KCNIP3: variants seen among roughly 807,000 people sequenced by gnomAD.
KCNIP3 encodes the protein potassium voltage-gated channel interacting protein 3.
In KCNIP3, 28 loss-of-function variants were observed where a neutral mutation model predicts 35.0. The observed-to-expected ratio is 0.80, with a 90% confidence interval of 0.59 to 1.10. The LOEUF (loss-of-function observed/expected upper bound fraction) is 1.10, where lower values mean the gene tolerates loss of function less well. Ranked by LOEUF, KCNIP3 falls within the 50% of genes least tolerant of loss-of-function variation. The pLI, the probability that KCNIP3 is intolerant of heterozygous loss-of-function variation, is 0.00. For synonymous variants in KCNIP3, 134 were observed against 133.8 expected (o/e 1.00, Z -0.01); for missense variants, 295 against 338.4 (o/e 0.87, Z 1.01).
At position 95,374,411 on chromosome 2, in the gene KCNIP3, C is replaced by G. The variant is rs1401706432; in HGVS notation, c.297C>G (p.Gly99=). The G allele has an allele frequency of 3.1e-6, 5 of 1,614,082 alleles. No individual in the cohort carries two copies. The highest frequency in any genetic ancestry group is 4.2e-6 in the Non-Finnish European group (5 of 1,179,952). Residue 99 remains glycine, a synonymous_variant, in exon 3 of 9, where the codon GGC becomes GGG. Coordinates refer to ENST00000295225, the MANE Select transcript of KCNIP3 (RefSeq NM_013434.5). ...AGGAGCTGCAGTCTCTCTACAGGGG[C>G]TTTAAGAATGTGAGTGTTCCCCATT... ...TKKELQSLYR[G]FKNECPTGLV... is the part of the protein sequence containing the mutation.
At chr2:95,316,539 C>T (rs911438004) in intron 2 of KCNIP3, among the ~76,000 whole-genome samples, 14 of 152,206 alleles carry the variant, frequency 9.2e-5, no homozygotes, top group African/African-American at 2.2e-4. Context: ...GTTCTTCTAC[C>T]GTTCCCCTCA....
chr2:95,342,396 G>A (rs893404157), intron 2 of KCNIP3, among the ~76,000 whole-genome samples: 1 of 152,216 alleles, frequency 6.6e-6, no homozygotes, highest in African/African-American at 2.4e-5. Context: ...TACATAGTAA[G>A]TGCTTTAGCT....
chr2:95,309,386 GT>G (rs1215204729), intron 1 of KCNIP3, among the ~76,000 whole-genome samples: 1 of 150,822 alleles, frequency 6.6e-6, no homozygotes. Flanking sequence ...ACCCCAGGAG[GT>G]TGTTTTCTGA....
intron 2 of KCNIP3, among the ~76,000 whole-genome samples, chr2:95,325,793 TCATACACACATACACTCATACACA>T (rs1390598877): frequency 5.7e-5 from 7 of 122,242 alleles, no homozygotes; most frequent in Admixed American, 4.8e-4. Context: ...TCATACACAC[TCATACACACATACACTCATACACA>T]CATACACATA....
intron 2 of KCNIP3, among the ~76,000 whole-genome samples, chr2:95,331,144 G>A (rs1405023197): frequency 1.3e-5 from 2 of 152,286 alleles, no homozygotes; most frequent in South Asian, 2.1e-4. Context: ...AGGGGTAGGC[G>A]AGGGAGTGGC....
chr2:95,383,852 C>T, intron 8 of KCNIP3, 150 bp from the exon 9 acceptor site: 3 of 724,758 alleles, frequency 4.1e-6, no homozygotes, highest in East Asian at 2.5e-5. Context: ...CCAGCTACTT[C>T]ACCTCCCTGT....
intron 2 of KCNIP3, among the ~76,000 whole-genome samples, chr2:95,328,921 G>A (rs1054607131): frequency 5.9e-5 from 9 of 152,190 alleles, no homozygotes; most frequent in African/African-American, 2.2e-4. Flanking sequence ...CTGGGGCCAG[G>A]GACTCCTCTC....
At chr2:95,358,571 T>G (rs1679715507) in intron 2 of KCNIP3, among the ~76,000 whole-genome samples, 1 of 152,226 alleles carries the variant, frequency 6.6e-6, no homozygotes, top group Non-Finnish European at 1.5e-5. Flanking sequence ...TATAACAGAA[T>G]ACCACAGAAT....
At chr2:95,325,897 A>T (rs1259443005) in intron 2 of KCNIP3, among the ~76,000 whole-genome samples, 1 of 151,404 alleles carries the variant, frequency 6.6e-6, no homozygotes, top group Non-Finnish European at 1.5e-5. Context: ...ACACTCATAG[A>T]CACACATTCA....
chr2:95,329,790 C>T (rs1350504536), intron 2 of KCNIP3, among the ~76,000 whole-genome samples: 3 of 152,252 alleles, frequency 2.0e-5, no homozygotes, highest in East Asian at 1.9e-4. Context: ...GGCCATTGAT[C>T]GCCTTCGATC....
chr2:95,366,196 C>T (rs1467426551), intron 2 of KCNIP3, among the ~76,000 whole-genome samples: 1 of 152,152 alleles, frequency 6.6e-6, no homozygotes, highest in African/African-American at 2.4e-5. Context: ...CTTATGCTGC[C>T]TCTTTGGTAG....
intron 2 of KCNIP3, among the ~76,000 whole-genome samples, chr2:95,331,471 G>A (rs1678925655): frequency 6.6e-6 from 1 of 152,136 alleles, no homozygotes; most frequent in South Asian, 2.1e-4. Flanking sequence ...AGGGTTGGAA[G>A]TGGAGGGATA....
At chr2:95,346,743 G>A in intron 2 of KCNIP3, 1 of 152,702 alleles carries the variant, frequency 6.5e-6, no homozygotes, top group South Asian at 1.8e-4. Context: ...CGCCGCCGCC[G>A]CGCCTCGAAG....
At position 95,310,338 on chromosome 2, in the gene KCNIP3, G is replaced by C; in HGVS notation, c.16-17G>C. The stretch of plus-strand genomic sequence containing the variant: ...CTGAGCAGGGGCTCAGGGCTGCTCT[G>C]CCTGTTCCTACTGCAGGAAGTGACA... On this transcript the variant is annotated splice_polypyrimidine_tract_variant and intron_variant, in intron 1 of 8. Transcript: ENST00000295225. 1 of 1,612,240 alleles carries C rather than the reference G, an allele frequency of 6.2e-7. No homozygotes were observed.
intron 2 of KCNIP3, among the ~76,000 whole-genome samples, chr2:95,338,217 G>A (rs1401643255): frequency 1.3e-5 from 2 of 152,208 alleles, no homozygotes; most frequent in Non-Finnish European, 2.9e-5. Context: ...ACCAGCTGTG[G>A]ACACTTGGGC....
chr2:95,321,124 C>T (rs1373617339), intron 2 of KCNIP3, among the ~76,000 whole-genome samples: 2 of 151,716 alleles, frequency 1.3e-5, no homozygotes, highest in African/African-American at 4.8e-5. Flanking sequence ...CCCAGTCCCC[C>T]AAGCCTAGGG....
chr2:95,325,762 T>C (rs1281264920), intron 2 of KCNIP3, among the ~76,000 whole-genome samples: 7 of 138,698 alleles, frequency 5.0e-5, no homozygotes, highest in African/African-American at 1.4e-4. Context: ...CATACACACA[T>C]ACACACTCAT....
chr2:95,362,887 A>T (rs1012012619), intron 2 of KCNIP3, among the ~76,000 whole-genome samples: 8 of 152,166 alleles, frequency 5.3e-5, no homozygotes, highest in Admixed American at 5.2e-4. Flanking sequence ...TTATTTTTTC[A>T]TTATTATTAT....
At chr2:95,317,890 T>G (rs1678497916) in intron 2 of KCNIP3, among the ~76,000 whole-genome samples, 1 of 152,170 alleles carries the variant, frequency 6.6e-6, no homozygotes, top group African/African-American at 2.4e-5. Context: ...AGTGCCAGCA[T>G]GGCTGTGGGA....
Sources: gnomAD v4.1 joint callset for allele counts (sites outside exome capture counted in the v4.1 genomes callset) on GRCh38, gnomAD v4.1.1 for gene constraint, MANE v1.5 for transcripts, NCBI Gene and HGNC (gene_info 2026-07-23, HGNC 2026-07-21) for gene names.